Variants in INSIG2 observed in about 807,000 individuals in gnomAD.
INSIG2 encodes the protein insulin induced gene 2.
INSIG2 carries 10 observed loss-of-function variants against 27.2 expected under a neutral mutation model. The ratio of observed to expected loss-of-function variants is 0.37; its 90% CI spans 0.23 to 0.62. The LOEUF is 0.62. INSIG2 is among the 20% of genes least tolerant of loss of function. The pLI, the probability that INSIG2 is intolerant of heterozygous loss-of-function variation, is 0.65. For missense variants in INSIG2, 178 were observed against 270.2 expected, an observed-to-expected ratio of 0.66 and a Z score of 2.39; for synonymous variants, 97 against 95.8, an observed-to-expected ratio of 1.01 and a Z score of -0.07.
intron 2 of INSIG2, 39 bp from the exon 3 acceptor site, chr2:118,103,158 C>A (rs1270974892): frequency 6.3e-7 from 1 of 1,583,314 alleles, no homozygotes; most frequent in South Asian, 1.1e-5. Context: ...GCCAGTACAA[C>A]ATTGGAGGTA....
intron 2 of INSIG2, among the ~76,000 whole-genome samples, chr2:118,101,155 C>A (rs1251993744): frequency 1.3e-5 from 2 of 151,964 alleles, no homozygotes; most frequent in Non-Finnish European, 2.9e-5. Context: ...AACAGTGGAA[C>A]CTCACAGTGT....
At position 118,099,311 on chromosome 2, in the gene INSIG2, C is replaced by T. The variant is rs184068956; in HGVS notation, c.244+2511C>T. Among the ~76,000 whole-genome samples the T allele has an allele frequency of 5.8e-4, 88 of 152,310 alleles. 1 individual carries two copies. The highest frequency in any genetic ancestry group is 5.5e-3 in the Admixed American group (84 of 15,296). Reference sequence around the variant, plus strand: ...AGAGCAGCCACCTTTTGGAGGGGCTCCAGAATCACCACCTTCTGTGTGTAG... The same window carrying T: ...AGAGCAGCCACCTTTTGGAGGGGCTTCAGAATCACCACCTTCTGTGTGTAG... On this transcript the variant is annotated intron_variant, in intron 2 of 5. Transcript: ENST00000245787.
chr2:118,106,012 T>C (rs923592693), intron 3 of INSIG2, among the ~76,000 whole-genome samples: 7 of 152,184 alleles, frequency 4.6e-5, no homozygotes, highest in South Asian at 2.1e-4. Flanking sequence ...TGTGAATAGA[T>C]GCTTAAGTAG....
At chr2:118,107,842 A>AT (rs1022843371) in intron 5 of INSIG2, among the ~76,000 whole-genome samples, 2 of 152,094 alleles carry the variant, frequency 1.3e-5, no homozygotes, top group Non-Finnish European at 2.9e-5. Context: ...AATGTAACAG[A>AT]TTTTTTCCTT....
chr2:118,101,051 T>C (rs1678533045), intron 2 of INSIG2, among the ~76,000 whole-genome samples: 1 of 152,198 alleles, frequency 6.6e-6, no homozygotes, highest in African/African-American at 2.4e-5. Context: ...CATATGATTT[T>C]ACACAGGCAT....
intron 2 of INSIG2, among the ~76,000 whole-genome samples, chr2:118,098,577 A>G (rs774678821): frequency 6.6e-6 from 1 of 152,176 alleles, no homozygotes; most frequent in Non-Finnish European, 1.5e-5. Flanking sequence ...CCAGACCTAG[A>G]TGGAATTCCC....
At chr2:118,096,161 C>G (rs890173680) in intron 1 of INSIG2, among the ~76,000 whole-genome samples, 1 of 152,128 alleles carries the variant, frequency 6.6e-6, no homozygotes, top group Non-Finnish European at 1.5e-5. Flanking sequence ...ATGATTCTAA[C>G]CTTCAGGTCT....
At chr2:118,101,244 T>C (rs1270171729) in intron 2 of INSIG2, among the ~76,000 whole-genome samples, 2 of 152,208 alleles carry the variant, frequency 1.3e-5, no homozygotes, top group Non-Finnish European at 2.9e-5. Flanking sequence ...GTGACAAGCT[T>C]CTTCGAATTC....
chr2:118,108,285 A>T lies in INSIG2; in HGVS notation c.641A>T (p.Glu214Val). ...TTAACCTTTTAATTTTTGCAGTACGAATGTAAAGTTATCGCAGAAAAATCT... is the reference window on the plus strand; with the variant it reads ...TTAACCTTTTAATTTTTGCAGTACGTATGTAAAGTTATCGCAGAAAAATCT... ...GNIGRQLAMY[E>V]CKVIAEKSHQ... The change falls in exon 6 of 6, where the codon GAA becomes GTA. Residue 214 changes from glutamate (E) to valine (V), a missense_variant. Coordinates refer to ENST00000245787, the MANE Select transcript of INSIG2 (RefSeq NM_016133.4). The T allele has an allele frequency of 6.3e-7, 1 of 1,592,756 alleles. No homozygotes were observed. Among genetic ancestry groups the T allele is most frequent in the Non-Finnish European group, 8.6e-7 (1 of 1,169,256 alleles).
intron 2 of INSIG2, among the ~76,000 whole-genome samples, chr2:118,100,373 C>CTTTTTTTTTTTTTT (rs70949913): frequency 3.7e-5 from 3 of 81,502 alleles, no homozygotes; most frequent in Non-Finnish European, 6.4e-5. Context: ...ACTCTTTTGC[C>CTTTTTTTTTTTTTT]TTTTTTTTTT....
At chr2:118,103,069 CTTT>C in intron 2 of INSIG2, 125 bp from the exon 3 acceptor site, 1 of 787,406 alleles carries the variant, frequency 1.3e-6, no homozygotes, top group South Asian at 2.6e-5. Flanking sequence ...TGTGAAATAA[CTTT>C]TTTTTTTGTT....
chr2:118,090,257 T>C (rs1408647236), intron 1 of INSIG2, among the ~76,000 whole-genome samples: 1 of 152,190 alleles, frequency 6.6e-6, no homozygotes, highest in Non-Finnish European at 1.5e-5. Context: ...TAAAAATACT[T>C]CTTTTACGGC....
chr2:118,090,903 A>G (rs1678208237), intron 1 of INSIG2, among the ~76,000 whole-genome samples: 1 of 152,190 alleles, frequency 6.6e-6, no homozygotes, highest in South Asian at 2.1e-4. Flanking sequence ...TGTAAAATGG[A>G]AACTAACAAC....
At chr2:118,103,532 C>T (rs1376598479) in intron 3 of INSIG2, among the ~76,000 whole-genome samples, 3 of 152,190 alleles carry the variant, frequency 2.0e-5, no homozygotes, top group Non-Finnish European at 4.4e-5. Context: ...GTATTTTTCA[C>T]TATCACTTAG....
At chr2:118,090,022 G>A (rs569180117) in intron 1 of INSIG2, among the ~76,000 whole-genome samples, 125 of 152,242 alleles carry the variant, frequency 8.2e-4, no homozygotes, top group Non-Finnish European at 1.3e-3. Flanking sequence ...AATTTTTAAC[G>A]TCTCTAGCCC....
chr2:118,101,642 C>T (rs943298938), intron 2 of INSIG2, among the ~76,000 whole-genome samples: 1 of 152,034 alleles, frequency 6.6e-6, no homozygotes, highest in Non-Finnish European at 1.5e-5. Context: ...AGGTGATATT[C>T]GTTTAACTAC....
intron 1 of INSIG2, among the ~76,000 whole-genome samples, chr2:118,093,106 G>A (rs199632608): frequency 0.088 from 9,454 of 107,492 alleles, 30 homozygotes; most frequent in East Asian, 0.27. Flanking sequence ...TGATGATGAA[G>A]GAGAGTTCTG....
chr2:118,107,564 A>G (rs567214170), intron 5 of INSIG2, among the ~76,000 whole-genome samples: 5 of 152,336 alleles, frequency 3.3e-5, no homozygotes, highest in Non-Finnish European at 7.4e-5. Context: ...ACCACCTCTA[A>G]CAAATCAAGA....
chr2:118,093,686 AG>A, intron 1 of INSIG2, among the ~76,000 whole-genome samples: 1 of 129,136 alleles, frequency 7.7e-6, no homozygotes, highest in African/African-American at 3.1e-5. Flanking sequence ...GAGGAGGAGG[AG>A]GAGAGTTCTG....
Sources: allele counts gnomAD v4.1 joint callset (sites outside exome capture counted in the v4.1 genomes callset), GRCh38; gene constraint gnomAD v4.1.1; transcripts MANE v1.5; gene names NCBI Gene and HGNC (gene_info 2026-07-23, HGNC 2026-07-21).